The following TUBGCP6 variants were observed in gnomAD, a reference collection of about 807,000 sequenced individuals.
TUBGCP6 encodes gamma-tubulin complex component 6.
TUBGCP6 carries 161 observed loss-of-function variants against 175.8 expected under a neutral mutation model. That is an observed-to-expected ratio of 0.92 (90% CI 0.81 to 1.04). The LOEUF (loss-of-function observed/expected upper bound fraction) is 1.04, where lower values mean the gene tolerates loss of function less well. Ranked by LOEUF, TUBGCP6 falls within the 50% of genes least tolerant of loss-of-function variation. TUBGCP6 has a pLI of 0.00. For missense variants in TUBGCP6, 2,572 were observed against 2,433.0 expected (o/e 1.06, Z -1.20); for synonymous variants, 1,173 against 1,030.5 (o/e 1.14, Z -2.65).
At chr22:50,233,234 C>T in intron 3 of TUBGCP6, 82 bp downstream of exon 3, 1 of 1,489,076 alleles carries the variant, frequency 6.7e-7, no homozygotes, top group Non-Finnish European at 9.1e-7. Context: ...GGGGCTTGTT[C>T]TGCCCCATAA....
rs749837141 is a variant in TUBGCP6, at chr22:50,221,061, T to C, written c.3298A>G (p.Thr1100Ala). ...LGESVSDVAP[T>A]RPRWNIHGHV... ...CCATGGATGTTCCACCGTGGCCGAG[T>C]GGGAGCCACATCTGACACAGACTCC... The change falls in exon 16 of 25, where the codon ACT becomes GCT. Residue 1100 changes from threonine (T) to alanine (A), a missense_variant. Coordinates refer to ENST00000248846, the MANE Select transcript of TUBGCP6 (RefSeq NM_020461.4). 1.2e-6 allele frequency: 2 copies of C among 1,611,640 alleles called. No individual in the cohort carries two copies. The highest frequency in any genetic ancestry group is 2.2e-5 in the East Asian group (1 of 44,736).
chr22:50,219,880 G>C (rs2064486628), intron 17 of TUBGCP6, 77 bp downstream of exon 17: 3 of 1,604,032 alleles, frequency 1.9e-6, no homozygotes, highest in African/African-American at 2.7e-5. Flanking sequence ...TCGCATGTGG[G>C]ACCCACCCGC....
chr22:50,220,923 C>G lies in TUBGCP6; in HGVS notation c.3436G>C (p.Glu1146Gln), dbSNP rs2064510364. The stretch of plus-strand genomic sequence containing the variant: ...GTGGGAGCCACGTCCGACACGTTCT[C>G]CCCAACCCTGATGCTGGCGTTGGAC... ...HVSNASIRVG[E>Q]NVSDVAPTRP... Residue 1146 changes from glutamate (E) to glutamine (Q), a missense_variant, in exon 16 of 25, where the codon GAG becomes CAG. Physicochemically the swap from Glu to Gln is conservative, Grantham distance 29 (BLOSUM62 2). Transcript: ENST00000248846. 6.2e-7 allele frequency: 1 copy of G among 1,610,110 alleles called. No individual in the cohort carries two copies. The highest frequency in any genetic ancestry group is 1.3e-5 in the African/African-American group (1 of 74,198).
rs745532555 is a variant in TUBGCP6 at position 50,219,063 on chromosome 22, G to A, written c.4626+5C>T. 5 of 1,611,696 alleles carry A rather than the reference G, an allele frequency of 3.1e-6. No homozygotes were observed. In the Admixed American group the frequency reaches 5.0e-5, roughly 16 times the overall value. The stretch of plus-strand genomic sequence containing the variant: ...CACTGGCCCCACCCCGTGTCCGGAG[G>A]CCACCTTCTCAAAGAGCAGGTCGCT... On this transcript the variant is annotated splice_donor_5th_base_variant and intron_variant, in intron 20 of 24. Transcript: ENST00000248846.
intron 3 of TUBGCP6, 102 bp from the exon 4 acceptor site, chr22:50,229,679 A>G: frequency 7.8e-7 from 1 of 1,280,410 alleles, no homozygotes; most frequent in Non-Finnish European, 1.1e-6. Context: ...CGCCACCTAG[A>G]GTGCCTCCAG....
chr22:50,219,936 C>G, intron 17 of TUBGCP6, 21 bp downstream of exon 17: 1 of 1,613,848 alleles, frequency 6.2e-7, no homozygotes, highest in Middle Eastern at 1.6e-4. Flanking sequence ...CTGTGGGACC[C>G]CCAGGCTGCA....
chr22:50,221,996 T>C (rs374329993), intron 15 of TUBGCP6, 32 bp downstream of exon 15: 29 of 1,612,732 alleles, frequency 1.8e-5, no homozygotes, highest in South Asian at 1.5e-4. Context: ...GGGAAAACCA[T>C]AGGGCACCCT....
At position 50,226,035 on chromosome 22, in the gene TUBGCP6, T is replaced by G. The variant is rs755832560; in HGVS notation, c.1833+15A>C. On this transcript the variant is annotated intron_variant, in intron 9 of 24. Coordinates refer to ENST00000248846, the MANE Select transcript of TUBGCP6 (RefSeq NM_020461.4). ...GACCGGCCCCTCTCTTCCCCACACA[T>G]GAGCCCCTCCTCACCCGGGGGCAGC... 2 of 1,612,958 alleles carry G rather than the reference T, an allele frequency of 1.2e-6. No homozygotes were observed. Among genetic ancestry groups the G allele is most frequent in the South Asian group, 1.1e-5 (1 of 90,994 alleles).
rs759492018 is a variant in TUBGCP6 at position 50,221,859 on chromosome 22, G to C, written c.2500C>G (p.Pro834Ala). Reference sequence around the variant, plus strand: ...CCTTGGCCTCCCTCTGGGTGCTCAGGGCCCGGAGACGTGACCTGAAACACA... The same window carrying C: ...CCTTGGCCTCCCTCTGGGTGCTCAGCGCCCGGAGACGTGACCTGAAACACA... The part of the protein sequence containing the change: ...SVHPQVTSPG[P>A]EHPEGGQGCD... Residue 834 changes from proline (P) to alanine (A), a missense_variant, in exon 16 of 25, where the codon CCT becomes GCT. Physicochemically the swap from Pro to Ala is conservative, Grantham distance 27 (BLOSUM62 -1). Coordinates refer to ENST00000248846, the MANE Select transcript of TUBGCP6 (RefSeq NM_020461.4). The C allele has an allele frequency of 4.6e-6, 7 of 1,512,568 alleles. No individual in the cohort carries two copies. The highest frequency in any genetic ancestry group is 6.2e-6 in the Non-Finnish European group (7 of 1,131,010). The allele number at this position is 1,512,568 out of a possible 1,614,324, so 93.7% of individuals were successfully genotyped here.
chr22:50,225,178 C>G lies in TUBGCP6; in HGVS notation c.1984-586G>C, dbSNP rs113516115. Among the ~76,000 whole-genome samples, 1,144 of 151,862 alleles carry G rather than the reference C, an allele frequency of 7.5e-3. 18 individuals carry two copies. The highest frequency in any genetic ancestry group is 0.026 in the African/African-American group (1,080 of 41,384). ...CTGAGGACCCCAAGGCTGTGTGTGC[C>G]CACCCTGGAAGGAAACCAAGAGGCC... is the stretch of plus-strand genomic sequence containing the variant. On this transcript the variant is annotated intron_variant, in intron 10 of 24. Coordinates refer to ENST00000248846, the MANE Select transcript of TUBGCP6 (RefSeq NM_020461.4).
At chr22:50,228,112 ACAGCGCTTTGTTTCTTGCCT>A in intron 4 of TUBGCP6, 84 bp from the exon 5 acceptor site, 1 of 1,409,798 alleles carries the variant, frequency 7.1e-7, no homozygotes, top group East Asian at 2.7e-5. Context: ...AGTGCTGGGA[ACAGCGCTTTGTTTCTTGCCT>A]CAGCTCTGGG....
In TUBGCP6 at chr22:50,221,529, G is replaced by A. The variant is rs748870152; in HGVS notation, c.2830C>T (p.Gln944Ter). Reference sequence around the variant, plus strand: ...TCGTACTCCTGTGGCCTGGAGGGCTGAGTGCTGGCTGCTGCGGGTGCCTCC... The same window carrying A: ...TCGTACTCCTGTGGCCTGGAGGGCTAAGTGCTGGCTGCTGCGGGTGCCTCC... ...PGEAPAAAST[Q>*]PSRPQEYDFS... Residue 944 changes from glutamine to a stop codon, truncating the protein, a stop_gained, in exon 16 of 25, where the codon CAG (glutamine) becomes TAG (stop). Transcript: ENST00000248846. LOFTEE classifies it high-confidence loss of function. The A allele has an allele frequency of 1.9e-6, 3 of 1,586,548 alleles. No individual in the cohort carries two copies. Among genetic ancestry groups the A allele is most frequent in the Non-Finnish European group, 1.7e-6 (2 of 1,164,902 alleles).
chr22:50,243,632 A>AGAAGAAGAAG lies in TUBGCP6; in HGVS notation c.741+86_741+87insCTTCTTCTTC. On this transcript the variant is annotated intron_variant, in intron 1 of 24. Coordinates refer to ENST00000248846, the MANE Select transcript of TUBGCP6 (RefSeq NM_020461.4). ...GACACTGTCTCAAAAAAAAAAAAAAAAAGAAGAAGAAGAAGAAGAAGAAAG... is the reference window on the plus strand; with the variant it reads ...GACACTGTCTCAAAAAAAAAAAAAAAGAAGAAGAAGAAGAAGAAGAAGAAGAAGAAGAAAG... 60 of 953,064 alleles carry AGAAGAAGAAG rather than the reference A, an allele frequency of 6.3e-5. No homozygotes were observed. In the South Asian group the frequency reaches 7.2e-4, roughly 11 times the overall value. 59.0% of individuals were successfully genotyped at this position (953,064 alleles called of 1,614,324 possible).
chr22:50,236,922 C>T (rs1005345242), intron 2 of TUBGCP6, among the ~76,000 whole-genome samples: 1 of 152,200 alleles, frequency 6.6e-6, no homozygotes, highest in Admixed American at 6.5e-5. Context: ...TGGCTGCACA[C>T]CCCTCTTGGT....
Position 50,220,467 on chromosome 22 carries a change from G to C in TUBGCP6, c.3892C>G (p.Pro1298Ala), listed in dbSNP as rs142063347. The C allele has an allele frequency of 9.3e-6, 15 of 1,612,938 alleles. No homozygotes were observed. The highest frequency in any genetic ancestry group is 4.0e-5 in the African/African-American group (3 of 74,944). ...PNTPRPQQSP[P>A]GHTSQSALSL... ...AGCGCTGACTGGGACGTGTGGCCAGGGGGGCTCTGTTGGGGCCTGGGTGTG... is the reference window on the plus strand; with the variant it reads ...AGCGCTGACTGGGACGTGTGGCCAGCGGGGCTCTGTTGGGGCCTGGGTGTG... Residue 1298 changes from proline to alanine, a missense_variant, in exon 16 of 25, where the codon CCT (proline) becomes GCT (alanine). By Grantham distance (27) the Pro-to-Ala change is conservative. Coordinates refer to ENST00000248846, the MANE Select transcript of TUBGCP6 (RefSeq NM_020461.4).
chr22:50,224,562 A>T lies in TUBGCP6; in HGVS notation c.2014T>A (p.Leu672Ile), dbSNP rs752325262. The T allele has an allele frequency of 6.2e-7, 1 of 1,614,118 alleles. No individual in the cohort carries two copies. ...GCTGCTTCCCGGGCATGAGCGATTA[A>T]TTCTTGTTTTGCAATTTCCATACGT... ...ELRMEIAKQE[L>I]IAHAREAASR... The change falls in exon 11 of 25, where the codon TTA becomes ATA. Residue 672 changes from leucine (L) to isoleucine (I), a missense_variant. Leu to Ile is a conservative substitution (Grantham distance 5). Transcript: ENST00000248846.
At chr22:50,236,983 C>T (rs1007225190) in intron 2 of TUBGCP6, among the ~76,000 whole-genome samples, 1 of 152,186 alleles carries the variant, frequency 6.6e-6, no homozygotes, top group African/African-American at 2.4e-5. Flanking sequence ...AAAGACACAG[C>T]GCAGGATCCT....
chr22:50,240,166 T>A (rs1275584713), intron 2 of TUBGCP6, 38 bp downstream of exon 2: 1 of 1,611,402 alleles, frequency 6.2e-7, no homozygotes, highest in East Asian at 2.2e-5. Flanking sequence ...CATGCAGGGG[T>A]AGGGGCACTG....
Position 50,220,907 on chromosome 22 carries a change from A to C in TUBGCP6, c.3452T>G (p.Val1151Gly). The change falls in exon 16 of 25, where the codon GTG becomes GGG. Residue 1151 changes from valine to glycine, a missense_variant. Transcript: ENST00000248846. ...GTTCCACCGTGGCCGGGTGGGAGCC[A>C]CGTCCGACACGTTCTCCCCAACCCT... ...SIRVGENVSDVAPTRPRWNTH... is the reference protein window; with the variant it reads ...SIRVGENVSDGAPTRPRWNTH... The C allele has an allele frequency of 6.2e-7, 1 of 1,612,324 alleles. No homozygotes were observed. Among genetic ancestry groups the C allele is most frequent in the Non-Finnish European group, 8.5e-7 (1 of 1,179,652 alleles).
Sources: allele counts gnomAD v4.1 joint callset (sites outside exome capture counted in the v4.1 genomes callset), GRCh38; gene constraint gnomAD v4.1.1; transcripts MANE v1.5; gene names NCBI Gene and HGNC (gene_info 2026-07-23, HGNC 2026-07-21).